PPFIBP2: variants seen among roughly 807,000 people sequenced by gnomAD.
PPFIBP2 encodes PPFIB scaffold protein 2, also known as liprin-beta-2.
Under a neutral mutation model 118.3 loss-of-function variants are expected in PPFIBP2, and 118 were observed. The observed-to-expected ratio is 1.00, with a 90% CI of 0.86 to 1.16. PPFIBP2 has a LOEUF of 1.16. PPFIBP2 is among the 50% of genes most tolerant of loss of function. PPFIBP2 has a pLI of 0.00. For synonymous variants in PPFIBP2, 414 were observed against 397.4 expected, an observed-to-expected ratio of 1.04 and a Z score of -0.50; for missense variants, 1,195 against 1,073.1, an observed-to-expected ratio of 1.11 and a Z score of -1.59.
chr11:7,525,940 G>A (rs1850192040), intron 1 of PPFIBP2, among the ~76,000 whole-genome samples: 1 of 152,208 alleles, frequency 6.6e-6, no homozygotes, highest in East Asian at 1.9e-4. Context: ...GGTGGGCAAG[G>A]TGGGCAGCAT....
chr11:7,649,558 CA>C lies in PPFIBP2; in HGVS notation c.2026del (p.Ser676AlafsTer48). 6.2e-7 allele frequency: 1 copy of C among 1,614,174 alleles called. No homozygotes were observed. Among genetic ancestry groups the C allele is most frequent in the Non-Finnish European group, 8.5e-7 (1 of 1,180,036 alleles). On this transcript the variant is annotated frameshift_variant, in exon 21 of 24. Transcript: ENST00000299492. LOFTEE classifies it high-confidence loss of function. ...VNDLLFLKVT[S>X]QLHHLSIKCA... ...ACGATTTACTCTTCTTAAAAGTCAC[CA>C]GCCAACTACATCATCTCAGCATCAA... is the stretch of plus-strand genomic sequence containing the variant.
At position 7,635,588 on chromosome 11, in the gene PPFIBP2, C is replaced by T. The variant is rs771999545; in HGVS notation, c.1231C>T (p.Pro411Ser). 1.2e-5 allele frequency: 20 copies of T among 1,608,482 alleles called. No homozygotes were observed. Among genetic ancestry groups the T allele is most frequent in the Admixed American group, 3.3e-5 (2 of 60,000 alleles). The change falls in exon 14 of 24, where the codon CCC becomes TCC. Residue 411 changes from proline to serine, a missense_variant. Transcript: ENST00000299492. ...DGNQPFPVLE[P>S]KDSPFLAEHK... is the part of the protein sequence containing the mutation. ...GAACCAGCCCTTCCCGGTGTTAGAA[C>T]CCAAGGTACATTGACTTCGTGCCCC...
chr11:7,572,422 G>A (rs973579933), intron 3 of PPFIBP2, among the ~76,000 whole-genome samples: 3 of 152,118 alleles, frequency 2.0e-5, no homozygotes, highest in African/African-American at 7.2e-5. Flanking sequence ...CTAGCAATCC[G>A]GCTCCTTTCA....
chr11:7,648,721 C>A, intron 18 of PPFIBP2, 79 bp from the exon 19 acceptor site: 1 of 1,472,222 alleles, frequency 6.8e-7, no homozygotes, highest in Non-Finnish European at 9.5e-7. Context: ...CTCAGAGCAT[C>A]TCCACCCAGA....
intron 6 of PPFIBP2, among the ~76,000 whole-genome samples, chr11:7,615,822 A>C (rs1358904145): frequency 6.6e-6 from 1 of 152,256 alleles, no homozygotes; most frequent in Non-Finnish European, 1.5e-5. Context: ...AGGCATAAAC[A>C]GACATGCACT....
intron 5 of PPFIBP2, chr11:7,605,812 G>A (rs1403970835): frequency 7.3e-7 from 1 of 1,374,552 alleles, no homozygotes. Context: ...GAGAATTTCA[G>A]AGCTGAAGAT....
At chr11:7,613,556 C>T (rs74964268) in intron 6 of PPFIBP2, among the ~76,000 whole-genome samples, 2,370 of 152,172 alleles carry the variant, frequency 0.016, 53 homozygotes, top group East Asian at 0.084. Flanking sequence ...GTGAATTAGA[C>T]GTATTCCTGA....
intron 5 of PPFIBP2, among the ~76,000 whole-genome samples, chr11:7,602,391 T>C (rs889858877): frequency 2.0e-5 from 3 of 152,224 alleles, no homozygotes; most frequent in African/African-American, 7.2e-5. Context: ...AGGGTTTCCC[T>C]GGTCTGTGAT....
chr11:7,647,652 C>T (rs1056649328), intron 17 of PPFIBP2, among the ~76,000 whole-genome samples: 3 of 152,150 alleles, frequency 2.0e-5, no homozygotes, highest in East Asian at 1.9e-4. Context: ...ATGTAACATA[C>T]GTTACATATG....
In PPFIBP2 at chr11:7,653,402, A is replaced by G. The variant is rs1854355281; in HGVS notation, c.*184A>G. ...GCCAGGATCTGGAGCTGCATCTCTA[A>G]GGGGCCAGGCTTTGGGGACCATTGC... On this transcript the variant is annotated 3_prime_UTR_variant, in exon 24 of 24. Transcript: ENST00000299492. 2.4e-5 allele frequency: 35 copies of G among 1,488,438 alleles called. No homozygotes were observed. Among genetic ancestry groups the G allele is most frequent in the Non-Finnish European group, 3.1e-5 (35 of 1,122,802 alleles). The allele number at this position is 1,488,438 out of a possible 1,614,324, so 92.2% of individuals were successfully genotyped here. A position where few individuals can be genotyped will look rare whatever the true frequency, so the allele number is the denominator to read the frequency against.
chr11:7,549,536 GCAGGTACGCC>G lies in PPFIBP2; in HGVS notation c.64+2_64+11del. On this transcript the variant is annotated splice_donor_variant and splice_donor_5th_base_variant and coding_sequence_variant and intron_variant, in exon 2 of 24. Transcript: ENST00000299492. LOFTEE classifies it high-confidence loss of function. ...CCTGGAGCAAATGGACGGGATCATT[GCAGGTACGCC>G]CAGGGAACCCCAGCAACCAAGGTCT... 6.4e-7 allele frequency: 1 copy of G among 1,561,622 alleles called. No homozygotes were observed. Among genetic ancestry groups the G allele is most frequent in the Non-Finnish European group, 8.7e-7 (1 of 1,152,884 alleles).
chr11:7,665,482 C>A, the PPFIBP2 span: 1 of 1,613,902 alleles, frequency 6.2e-7, no homozygotes, highest in Non-Finnish European at 8.5e-7. Context: ...GCGTGGACTT[C>A]GCTGGAGGAG....
chr11:7,632,109 C>T lies in PPFIBP2; in HGVS notation c.1069-758C>T, dbSNP rs575164635. Reference sequence around the variant, plus strand: ...TGTGGTAGGTACAATACTGAAGACACGGGACTGTATTATTTCATACCATCA... The same window carrying T: ...TGTGGTAGGTACAATACTGAAGACATGGGACTGTATTATTTCATACCATCA... On this transcript the variant is annotated intron_variant, in intron 11 of 23. Coordinates refer to ENST00000299492, the MANE Select transcript of PPFIBP2 (RefSeq NM_003621.5). Among the ~76,000 whole-genome samples, 9 of 152,318 alleles carry T rather than the reference C, an allele frequency of 5.9e-5. No homozygotes were observed. In the South Asian group the frequency reaches 1.4e-3, roughly 25 times the overall value.
At chr11:7,542,102 A>C (rs895333432) in intron 1 of PPFIBP2, among the ~76,000 whole-genome samples, 2 of 152,146 alleles carry the variant, frequency 1.3e-5, no homozygotes, top group African/African-American at 4.8e-5. Flanking sequence ...GATCATGTCA[A>C]CTCTATCCTC....
chr11:7,561,280 G>A (rs946903726), intron 2 of PPFIBP2, among the ~76,000 whole-genome samples: 5 of 152,170 alleles, frequency 3.3e-5, no homozygotes, highest in East Asian at 1.9e-4. Context: ...TGGCCAGGCC[G>A]GTCTCGAACT....
chr11:7,549,317 T>TCGGCTA (rs1852684091), intron 1 of PPFIBP2, 123 bp from the exon 2 acceptor site: 1 of 849,444 alleles, frequency 1.2e-6, no homozygotes, highest in African/African-American at 1.7e-5. Flanking sequence ...AAACTACATG[T>TCGGCTA]CGGCTACTAT....
chr11:7,536,242 A>T lies in PPFIBP2; in HGVS notation c.-36-13198A>T, dbSNP rs181781341. Among the ~76,000 whole-genome samples, 7 of 152,252 alleles carry T rather than the reference A, an allele frequency of 4.6e-5. No homozygotes were observed. The South Asian group carries it at 6.2e-4, about 14-fold the overall frequency. On this transcript the variant is annotated intron_variant, in intron 1 of 23. Coordinates refer to ENST00000299492, the MANE Select transcript of PPFIBP2 (RefSeq NM_003621.5). ...TAACCCCACCCTAGACCGCCTCTTA[A>T]GGAAATGGGAACACAAGCGGCTGGC...
intron 4 of PPFIBP2, 39 bp downstream of exon 4, chr11:7,593,263 C>T: frequency 6.2e-7 from 1 of 1,605,652 alleles, no homozygotes; most frequent in African/African-American, 1.3e-5. Context: ...ATCCTGTTAC[C>T]TCCTACTATG....
Position 7,578,692 on chromosome 11 carries a change from G to C in PPFIBP2, c.279+12925G>C, listed in dbSNP as rs77169117. The stretch of plus-strand genomic sequence containing the variant: ...TGCCTGGAGGAAGAACAGAAGACAC[G>C]GGACTGCTGTTTTGATGGAGAAGGG... On this transcript the variant is annotated intron_variant, in intron 3 of 23. Transcript: ENST00000299492. Among the ~76,000 whole-genome samples the C allele has an allele frequency of 9.4e-3, 1,434 of 152,272 alleles. 16 individuals are homozygous for C. Among genetic ancestry groups the C allele is most frequent in the African/African-American group, 0.033 (1,369 of 41,540 alleles).
Sources: gnomAD v4.1 joint callset for allele counts (sites outside exome capture counted in the v4.1 genomes callset) on GRCh38, gnomAD v4.1.1 for gene constraint, MANE v1.5 for transcripts, NCBI Gene and HGNC (gene_info 2026-07-23, HGNC 2026-07-21) for gene names.